MAP3K3: variants seen among roughly 807,000 people sequenced by gnomAD.
MAP3K3 encodes MAP/ERK kinase kinase 3.
A neutral mutation model predicts 80.9 loss-of-function variants in MAP3K3; 12 were observed. The ratio of observed to expected loss-of-function variants is 0.15; its 90% CI spans 0.10 to 0.24. The LOEUF is 0.24. Ranked by LOEUF, MAP3K3 falls within the 10% of genes least tolerant of loss-of-function variation. MAP3K3 has a pLI of 1.00. For synonymous variants in MAP3K3, 272 were observed against 307.1 expected (o/e 0.89, Z 1.19); for missense variants, 596 against 834.7 (o/e 0.71, Z 3.52).
Position 63,650,697 on chromosome 17 carries a change from T to G in MAP3K3, c.168-1860T>G, listed in dbSNP as rs866650220. Reference sequence around the variant, plus strand: ...GAGAGAGAGAGAGAGAGAGAGAGAGTTTTTTTTTTTTTTAGACAGGGTCTC... The same window carrying G: ...GAGAGAGAGAGAGAGAGAGAGAGAGGTTTTTTTTTTTTTAGACAGGGTCTC... On this transcript the variant is annotated intron_variant, in intron 3 of 15. Transcript: ENST00000361733. Among the ~76,000 whole-genome samples, 7 of 109,368 alleles carry G rather than the reference T, an allele frequency of 6.4e-5. No homozygotes were observed. In the East Asian group the frequency reaches 1.1e-3, roughly 16 times the overall value. The allele number at this position is 109,368 out of a possible 152,430, so 71.7% of individuals were successfully genotyped here.
chr17:63,690,686 G>C (rs1283583089), intron 12 of MAP3K3: 2 of 467,826 alleles, frequency 4.3e-6, no homozygotes, highest in Non-Finnish European at 7.7e-6. Context: ...GTGACACAGA[G>C]GGGACTCCCT....
At chr17:63,645,528 C>A (rs1598075614) in intron 2 of MAP3K3, among the ~76,000 whole-genome samples, 1 of 152,186 alleles carries the variant, frequency 6.6e-6, no homozygotes, top group Non-Finnish European at 1.5e-5. Flanking sequence ...ATTTTACTTA[C>A]ATTTAGTTGT....
chr17:63,648,943 C>T (rs879384479), intron 3 of MAP3K3, among the ~76,000 whole-genome samples: 4 of 152,114 alleles, frequency 2.6e-5, no homozygotes, highest in Admixed American at 6.5e-5. Context: ...GAAGGAATTA[C>T]CTTCTTGAGA....
intron 4 of MAP3K3, among the ~76,000 whole-genome samples, chr17:63,655,243 AACTC>A (rs1162018259): frequency 2.0e-5 from 3 of 152,120 alleles, no homozygotes; most frequent in East Asian, 3.9e-4. Context: ...ATCTCGTGAG[AACTC>A]ACTCACTATC....
At chr17:63,651,034 T>C (rs1206288823) in intron 3 of MAP3K3, among the ~76,000 whole-genome samples, 1 of 152,144 alleles carries the variant, frequency 6.6e-6, no homozygotes, top group Non-Finnish European at 1.5e-5. Flanking sequence ...GTGTATGAGT[T>C]TCTTTCTTAT....
chr17:63,658,895 T>C (rs1377716597), intron 5 of MAP3K3, among the ~76,000 whole-genome samples: 1 of 152,064 alleles, frequency 6.6e-6, no homozygotes, highest in Non-Finnish European at 1.5e-5. Flanking sequence ...CCACCATGCC[T>C]GGCTAATTTT....
chr17:63,663,579 T>C (rs2034939301), intron 5 of MAP3K3, among the ~76,000 whole-genome samples: 1 of 152,140 alleles, frequency 6.6e-6, no homozygotes, highest in Non-Finnish European at 1.5e-5. Context: ...TTAAAGCGTT[T>C]AAGAGCATGG....
At chr17:63,656,081 T>C (rs2034760740) in intron 4 of MAP3K3, among the ~76,000 whole-genome samples, 1 of 151,294 alleles carries the variant, frequency 6.6e-6, no homozygotes, top group South Asian at 2.1e-4. Flanking sequence ...AGTACAAAAA[T>C]TAGTCGGGTG....
chr17:63,660,646 G>A (rs1235076151), intron 5 of MAP3K3, among the ~76,000 whole-genome samples: 2 of 151,566 alleles, frequency 1.3e-5, no homozygotes, highest in African/African-American at 2.4e-5. Context: ...AGGCTGGAGT[G>A]CAGGGGTGTG....
chr17:63,671,852 A>AC (rs1234536445), intron 6 of MAP3K3, among the ~76,000 whole-genome samples: 5 of 152,142 alleles, frequency 3.3e-5, no homozygotes, highest in African/African-American at 1.2e-4. Flanking sequence ...GGGTTCTAAG[A>AC]CCAAAAGGCT....
intron 6 of MAP3K3, among the ~76,000 whole-genome samples, chr17:63,676,181 GCA>G (rs2035215846): frequency 6.6e-6 from 1 of 152,184 alleles, no homozygotes; most frequent in South Asian, 2.1e-4. Context: ...CTCTCTGCAG[GCA>G]CAGTGTGGAT....
chr17:63,670,507 T>C (rs1444497671), intron 6 of MAP3K3, among the ~76,000 whole-genome samples: 1 of 144,776 alleles, frequency 6.9e-6, no homozygotes, highest in East Asian at 2.0e-4. Context: ...CACTTGAACC[T>C]GAGAGATCGA....
chr17:63,679,838 A>G (rs1447459835), intron 6 of MAP3K3, among the ~76,000 whole-genome samples: 1 of 152,214 alleles, frequency 6.6e-6, no homozygotes, highest in Non-Finnish European at 1.5e-5. Context: ...ACACACACAC[A>G]TACATAAAAC....
At chr17:63,676,906 G>A (rs1188260929) in intron 6 of MAP3K3, among the ~76,000 whole-genome samples, 1 of 152,234 alleles carries the variant, frequency 6.6e-6, no homozygotes, top group Non-Finnish European at 1.5e-5. Flanking sequence ...TCTCATAGAA[G>A]TGCATGTGAT....
chr17:63,674,675 T>C (rs192760757), intron 6 of MAP3K3, among the ~76,000 whole-genome samples: 1 of 151,758 alleles, frequency 6.6e-6, no homozygotes, highest in Non-Finnish European at 1.5e-5. Context: ...GCTAGAGATA[T>C]GAGGAAGTGT....
Position 63,689,680 on chromosome 17 carries a change from G to A in MAP3K3, c.1008G>A (p.Arg336=), listed in dbSNP as rs1236767278. The A allele has an allele frequency of 6.2e-7, 1 of 1,613,942 alleles. No individual in the cohort carries two copies. Among genetic ancestry groups the A allele is most frequent in the East Asian group, 2.2e-5 (1 of 44,892 alleles). ...VQYLDPRGRL[R]SADSENALSV... is the part of the protein sequence containing the mutation. The stretch of plus-strand genomic sequence containing the variant: ...ACCTGGACCCCCGTGGGCGCCTGCG[G>A]AGTGCGGACAGCGAGAATGCCCTCT... Residue 336 remains arginine (R), a synonymous_variant, in exon 11 of 16, where the codon CGG becomes CGA. Coordinates refer to ENST00000361733, the MANE Select transcript of MAP3K3 (RefSeq NM_002401.5). The surrounding 1 kb of genome is among the most constrained non-coding windows in gnomAD (Gnocchi z 4.3).
intron 5 of MAP3K3, among the ~76,000 whole-genome samples, chr17:63,660,478 G>A (rs374885826): frequency 6.6e-6 from 1 of 151,958 alleles, no homozygotes; most frequent in South Asian, 2.1e-4. Context: ...CTCGCAAAGT[G>A]CTGGGATTAC....
At chr17:63,656,933 C>T (rs1026132410) in intron 4 of MAP3K3, among the ~76,000 whole-genome samples, 1 of 152,078 alleles carries the variant, frequency 6.6e-6, no homozygotes, top group African/African-American at 2.4e-5. Context: ...GCAAACACAT[C>T]CTTCATATGG....
At chr17:63,672,501 T>C (rs115266249) in intron 6 of MAP3K3, among the ~76,000 whole-genome samples, 125 of 152,126 alleles carry the variant, frequency 8.2e-4, no homozygotes, top group African/African-American at 2.8e-3. Context: ...ACAGGAGATA[T>C]CAGAGAGGCA....
Sources: gnomAD v4.1 joint callset for allele counts (sites outside exome capture counted in the v4.1 genomes callset) on GRCh38, gnomAD v4.1.1 for gene constraint, Gnocchi (gnomAD v3.1) non-coding constraint, MANE v1.5 for transcripts, NCBI Gene and HGNC (gene_info 2026-07-23, HGNC 2026-07-21) for gene names.